The following RPS6KC1 variants were observed in gnomAD, a reference collection of about 807,000 sequenced individuals.
The protein encoded by RPS6KC1 is ribosomal protein S6 kinase C1.
In RPS6KC1, 54 loss-of-function variants were observed where a neutral mutation model predicts 103.8. The ratio of observed to expected loss-of-function variants is 0.52; its 90% CI spans 0.42 to 0.65. The LOEUF (loss-of-function observed/expected upper bound fraction) is 0.65, where lower values mean the gene tolerates loss of function less well. Ranked by LOEUF, RPS6KC1 falls within the 30% of genes least tolerant of loss-of-function variation. RPS6KC1 has a pLI of 0.00. For synonymous variants in RPS6KC1, 439 were observed against 438.7 expected, an observed-to-expected ratio of 1.00 and a Z score of -0.01; for missense variants, 1,151 against 1,253.8, an observed-to-expected ratio of 0.92 and a Z score of 1.24.
intron 3 of RPS6KC1, among the ~76,000 whole-genome samples, chr1:213,089,987 G>A (rs1038894340): frequency 6.6e-6 from 1 of 152,082 alleles, no homozygotes; most frequent in Non-Finnish European, 1.5e-5. Context: ...AATTTTATGG[G>A]CATATTTAAT....
chr1:213,351,629 T>C, the RPS6KC1 span, among the ~76,000 whole-genome samples: 595 of 152,278 alleles, frequency 3.9e-3, 2 homozygotes, highest in African/African-American at 0.014. Flanking sequence ...TGAATGTGTA[T>C]TCTGACTGTG....
At chr1:213,590,673 G>A in the RPS6KC1 span, among the ~76,000 whole-genome samples, 1 of 152,248 alleles carries the variant, frequency 6.6e-6, no homozygotes, top group South Asian at 2.1e-4. Context: ...CTAGAAAGGA[G>A]GTCATGACCA....
At chr1:213,708,497 T>C in the RPS6KC1 span, among the ~76,000 whole-genome samples, 20,338 of 151,332 alleles carry the variant, frequency 0.13, 1,501 homozygotes, top group Middle Eastern at 0.19. Context: ...GGATTGCAAA[T>C]GGAGATAATT....
the RPS6KC1 span, among the ~76,000 whole-genome samples, chr1:213,422,804 T>G: frequency 6.6e-6 from 1 of 152,196 alleles, no homozygotes; most frequent in Non-Finnish European, 1.5e-5. Flanking sequence ...GACACCATAT[T>G]ACACCTGCAA....
the RPS6KC1 span, among the ~76,000 whole-genome samples, chr1:213,491,953 A>G: frequency 6.6e-6 from 1 of 152,258 alleles, no homozygotes; most frequent in East Asian, 1.9e-4. Context: ...TGCTTTTTGC[A>G]AGGGACTGTG....
chr1:213,055,671 T>C (rs78576336), intron 1 of RPS6KC1, among the ~76,000 whole-genome samples: 49 of 152,344 alleles, frequency 3.2e-4, no homozygotes, highest in African/African-American at 1.2e-3. Flanking sequence ...CTATTCTAGA[T>C]TGTTTGCATT....
At chr1:213,240,586 T>C (rs2094327976) in intron 10 of RPS6KC1, 116 bp from the exon 11 acceptor site, 4 of 824,064 alleles carry the variant, frequency 4.9e-6, no homozygotes, top group Non-Finnish European at 7.8e-6. Context: ...TATTAATGGA[T>C]ATTATTGACT....
At chr1:213,563,843 A>T in the RPS6KC1 span, among the ~76,000 whole-genome samples, 1 of 151,832 alleles carries the variant, frequency 6.6e-6, no homozygotes, top group Admixed American at 6.6e-5. Context: ...TTACTTTTAT[A>T]CGCTAAATTA....
the RPS6KC1 span, among the ~76,000 whole-genome samples, chr1:213,333,219 C>T: frequency 6.6e-6 from 1 of 152,216 alleles, no homozygotes; most frequent in African/African-American, 2.4e-5. Context: ...AGGAAGGAGC[C>T]AGCCAACTGG....
chr1:213,563,196 T>A, the RPS6KC1 span, among the ~76,000 whole-genome samples: 1 of 152,206 alleles, frequency 6.6e-6, no homozygotes, highest in Non-Finnish European at 1.5e-5. Context: ...CCTGATAAAT[T>A]GTCCTTTTTA....
the RPS6KC1 span, among the ~76,000 whole-genome samples, chr1:213,721,022 C>T: frequency 6.6e-6 from 1 of 152,162 alleles, no homozygotes; most frequent in Non-Finnish European, 1.5e-5. Context: ...AGCAGGTCCT[C>T]ATAACGGTAA....
the RPS6KC1 span, among the ~76,000 whole-genome samples, chr1:213,697,368 C>G: frequency 6.6e-6 from 1 of 152,230 alleles, no homozygotes; most frequent in African/African-American, 2.4e-5. Context: ...AATAAAGGTG[C>G]AGCTCAACAG....
chr1:213,230,569 C>T (rs780166108), intron 9 of RPS6KC1, 25 bp downstream of exon 9: 14 of 1,585,630 alleles, frequency 8.8e-6, no homozygotes, highest in East Asian at 2.3e-5. Flanking sequence ...TAGCCAGGCG[C>T]GGTGCCTATA....
chr1:213,646,899 T>TTTTG, the RPS6KC1 span, among the ~76,000 whole-genome samples: 12 of 100,544 alleles, frequency 1.2e-4, no homozygotes, highest in African/African-American at 4.7e-4. Flanking sequence ...ATATATATAT[T>TTTTG]TTTGTTTGTT....
the RPS6KC1 span, among the ~76,000 whole-genome samples, chr1:213,509,080 G>A: frequency 2.0e-5 from 3 of 152,144 alleles, no homozygotes; most frequent in Non-Finnish European, 4.4e-5. Context: ...TAATATGTAG[G>A]GTGACCATGT....
the RPS6KC1 span, among the ~76,000 whole-genome samples, chr1:213,282,816 G>C: frequency 6.6e-6 from 1 of 152,234 alleles, no homozygotes; most frequent in African/African-American, 2.4e-5. Context: ...CAGAGATGAA[G>C]AACACAGGGT....
chr1:213,454,900 C>T, the RPS6KC1 span, among the ~76,000 whole-genome samples: 1 of 152,206 alleles, frequency 6.6e-6, no homozygotes, highest in Non-Finnish European at 1.5e-5. Flanking sequence ...CTGCTTTTGC[C>T]AGACTGGGAC....
chr1:213,563,116 T>G, the RPS6KC1 span, among the ~76,000 whole-genome samples: 1 of 152,212 alleles, frequency 6.6e-6, no homozygotes, highest in African/African-American at 2.4e-5. Flanking sequence ...TCTTTGAAAG[T>G]CTATTAATTT....
chr1:213,714,044 T>C, the RPS6KC1 span, among the ~76,000 whole-genome samples: 8 of 152,246 alleles, frequency 5.3e-5, no homozygotes, highest in Admixed American at 6.5e-5. Context: ...ATGATAACAG[T>C]GTATAGTGGT....
Sources: gnomAD v4.1 joint callset for allele counts (sites outside exome capture counted in the v4.1 genomes callset) on GRCh38, gnomAD v4.1.1 for gene constraint, MANE v1.5 for transcripts, NCBI Gene and HGNC (gene_info 2026-07-23, HGNC 2026-07-21) for gene names.